Variants in WNK2 observed in about 807,000 individuals in gnomAD.
WNK2 encodes the protein serine/threonine-protein kinase WNK2.
Under a neutral mutation model 192.1 loss-of-function variants are expected in WNK2, and 67 were observed. The ratio of observed to expected loss-of-function variants is 0.35; its 90% CI spans 0.29 to 0.43. The LOEUF is 0.43. Among genes scored for constraint, WNK2 ranks in the 20% least tolerant of loss-of-function variants. The pLI, the probability that WNK2 is intolerant of heterozygous loss-of-function variation, is 1.00. For missense variants in WNK2, 2,698 were observed against 3,089.7 expected (o/e 0.87, Z 3.01); for synonymous variants, 1,439 against 1,393.9 (o/e 1.03, Z -0.72).
At chr9:93,314,767 A>G (rs763300257) in intron 28 of WNK2, among the ~76,000 whole-genome samples, 5 of 152,176 alleles carry the variant, frequency 3.3e-5, no homozygotes, top group Non-Finnish European at 5.9e-5. Flanking sequence ...GAGCCAAATC[A>G]GGACTGTAGG....
chr9:93,305,469 G>A (rs1176618208), intron 26 of WNK2, among the ~76,000 whole-genome samples: 1 of 152,210 alleles, frequency 6.6e-6, no homozygotes, highest in Non-Finnish European at 1.5e-5. Context: ...TGCTCACCCA[G>A]AGCCCACTGG....
rs1380750978 is a variant in WNK2, at chr9:93,292,989, G to A, written c.5524G>A (p.Ala1842Thr). 37 of 1,564,124 alleles carry A rather than the reference G, an allele frequency of 2.4e-5. No individual in the cohort carries two copies. The highest frequency in any genetic ancestry group is 1.7e-4 in the Middle Eastern group (1 of 5,830). ...VAGDFVKKAT[A>T]FLQRPSRAGS... is the part of the protein sequence containing the mutation. The stretch of plus-strand genomic sequence containing the variant: ...TGGCGACTTCGTGAAGAAGGCCACC[G>A]CCTTCCTGCAGAGGCCTTCTCGGGC... The change falls in exon 23 of 30, where the codon GCC (alanine) becomes ACC (threonine). Residue 1842 changes from alanine (A) to threonine (T), a missense_variant. By Grantham distance (58) the Ala-to-Thr change is moderately conservative (BLOSUM62 0). Coordinates refer to ENST00000427277, the MANE Select transcript of WNK2 (RefSeq NM_006648.4).
chr9:93,256,000 C>T (rs535882324), intron 9 of WNK2, among the ~76,000 whole-genome samples: 8 of 152,294 alleles, frequency 5.3e-5, no homozygotes, highest in Admixed American at 1.3e-4. Context: ...TTAATGTCCT[C>T]GGGAGCCTTT....
chr9:93,239,997 G>T lies in WNK2; in HGVS notation c.1542+21G>T, dbSNP rs140531162. 9 of 1,599,682 alleles carry T rather than the reference G, an allele frequency of 5.6e-6. No individual in the cohort carries two copies. In the Middle Eastern group the frequency reaches 5.0e-4, roughly 88 times the overall value. On this transcript the variant is annotated intron_variant, in intron 7 of 29. Coordinates refer to ENST00000427277, the MANE Select transcript of WNK2 (RefSeq NM_006648.4). This position sits in a 1 kb window ranked among gnomAD's most constrained non-coding sequence, Gnocchi z 4.2. ...AGATGGTAAGCAGGACTCAGATGGGGTGAGGTGGGTGCAGGTGTTGGCAGC... is the reference window on the plus strand; with the variant it reads ...AGATGGTAAGCAGGACTCAGATGGGTTGAGGTGGGTGCAGGTGTTGGCAGC...
At chr9:93,275,246 A>G (rs1345668990) in intron 19 of WNK2, among the ~76,000 whole-genome samples, 3 of 152,280 alleles carry the variant, frequency 2.0e-5, no homozygotes, top group African/African-American at 7.2e-5. Context: ...GCCAGGCACA[A>G]TTGCACATGC....
At chr9:93,210,333 C>T (rs1439934956) in intron 2 of WNK2, among the ~76,000 whole-genome samples, 1 of 152,020 alleles carries the variant, frequency 6.6e-6, no homozygotes, top group Non-Finnish European at 1.5e-5. Flanking sequence ...GGGCGTTGCT[C>T]ACTGTTGGGC....
intron 7 of WNK2, among the ~76,000 whole-genome samples, chr9:93,246,029 G>A (rs1841618025): frequency 6.6e-6 from 1 of 152,198 alleles, no homozygotes; most frequent in Non-Finnish European, 1.5e-5. Flanking sequence ...GATGGGGATA[G>A]AGAGGCCACA....
chr9:93,286,102 G>A (rs1239070319), intron 19 of WNK2, among the ~76,000 whole-genome samples: 1 of 152,118 alleles, frequency 6.6e-6, no homozygotes, highest in Non-Finnish European at 1.5e-5. Flanking sequence ...TGGCCCCCAC[G>A]TAGAACACAT....
intron 28 of WNK2, among the ~76,000 whole-genome samples, chr9:93,312,154 A>G (rs1049055321): frequency 1.3e-5 from 2 of 152,188 alleles, no homozygotes; most frequent in Admixed American, 1.3e-4. Flanking sequence ...TGCATAATCC[A>G]GATATTAATC....
At chr9:93,230,237 G>A (rs1443545819) in intron 3 of WNK2, among the ~76,000 whole-genome samples, 1 of 152,114 alleles carries the variant, frequency 6.6e-6, no homozygotes, top group Non-Finnish European at 1.5e-5. Context: ...GCAGCCTGTT[G>A]CTGCTCACTA....
chr9:93,263,669 C>G lies in WNK2; in HGVS notation c.3514C>G (p.Arg1172Gly). 2 of 1,587,522 alleles carry G rather than the reference C, an allele frequency of 1.3e-6. No homozygotes were observed. Among genetic ancestry groups the G allele is most frequent in the Non-Finnish European group, 8.5e-7 (1 of 1,171,516 alleles). The change falls in exon 15 of 30, where the codon CGC (arginine) becomes GGC (glycine). Residue 1172 changes from arginine (R) to glycine (G), a missense_variant. Physicochemically the swap from Arg to Gly is moderately radical, Grantham distance 125. Transcript: ENST00000427277. ...LEGRAARKHHRRSTRARSRQE... is the reference protein window; with the variant it reads ...LEGRAARKHHGRSTRARSRQE... ...GGGCAGGGCAGCCCGAAAACACCACCGCAGGTCCACGCGTGCGCGCTCCCG... is the reference window on the plus strand; with the variant it reads ...GGGCAGGGCAGCCCGAAAACACCACGGCAGGTCCACGCGTGCGCGCTCCCG...
chr9:93,207,440 C>T (rs927847593), intron 2 of WNK2, among the ~76,000 whole-genome samples: 35 of 152,274 alleles, frequency 2.3e-4, no homozygotes, highest in Non-Finnish European at 3.8e-4. Context: ...CATGATCTCC[C>T]GGTCAGCATG....
At chr9:93,282,089 A>T (rs951212389) in intron 19 of WNK2, among the ~76,000 whole-genome samples, 1 of 152,206 alleles carries the variant, frequency 6.6e-6, no homozygotes, top group Non-Finnish European at 1.5e-5. Context: ...TTTTGACTGG[A>T]TGAAAAAATA....
chr9:93,320,336 C>T, intron 29 of WNK2, 31 bp from the exon 30 acceptor site: 1 of 1,367,384 alleles, frequency 7.3e-7, no homozygotes, highest in Non-Finnish European at 9.8e-7. Flanking sequence ...TGCGGTGGGC[C>T]CACAGTCAGC....
At chr9:93,287,402 C>T (rs1259341569) in intron 19 of WNK2, among the ~76,000 whole-genome samples, 4 of 152,210 alleles carry the variant, frequency 2.6e-5, no homozygotes, top group Non-Finnish European at 4.4e-5. Context: ...CACCCAGCCA[C>T]AGCCCAGTGA....
intron 26 of WNK2, among the ~76,000 whole-genome samples, chr9:93,304,931 C>G (rs1265729132): frequency 6.6e-6 from 1 of 152,158 alleles, no homozygotes; most frequent in Non-Finnish European, 1.5e-5. Context: ...AGGAAGGGCC[C>G]GTGGAGGCCT....
intron 2 of WNK2, among the ~76,000 whole-genome samples, chr9:93,225,651 C>G (rs1219172568): frequency 2.0e-5 from 3 of 152,210 alleles, no homozygotes; most frequent in Non-Finnish European, 4.4e-5. Flanking sequence ...ACATTTTGCT[C>G]TGAAACTACA....
At chr9:93,187,990 G>A (rs908477048) in intron 2 of WNK2, among the ~76,000 whole-genome samples, 8 of 152,106 alleles carry the variant, frequency 5.3e-5, no homozygotes, top group African/African-American at 4.8e-5. Flanking sequence ...GCTTTGTGTC[G>A]TGAGGGGCTC....
intron 3 of WNK2, among the ~76,000 whole-genome samples, chr9:93,230,430 C>T (rs554300255): frequency 7.2e-5 from 11 of 152,322 alleles, no homozygotes; most frequent in African/African-American, 2.6e-4. Flanking sequence ...CCACCTCCTC[C>T]CAGGGCACAG....
Sources: allele counts gnomAD v4.1 joint callset (sites outside exome capture counted in the v4.1 genomes callset), GRCh38; gene constraint gnomAD v4.1.1; non-coding constraint Gnocchi (gnomAD v3.1); transcripts MANE v1.5; gene names NCBI Gene and HGNC (gene_info 2026-07-23, HGNC 2026-07-21).